INPP5D: variants seen among roughly 807,000 people sequenced by gnomAD.
The protein encoded by INPP5D is phosphatidylinositol 3,4,5-trisphosphate 5-phosphatase 1.
INPP5D carries 33 observed loss-of-function variants against 122.9 expected under a neutral mutation model. The ratio of observed to expected loss-of-function variants is 0.27; its 90% CI spans 0.20 to 0.36. The LOEUF (loss-of-function observed/expected upper bound fraction) is 0.36. Among genes scored for constraint, INPP5D ranks in the 10% least tolerant of loss-of-function variants. The pLI is 1.00. For missense variants in INPP5D, 1,053 were observed against 1,412.7 expected, an observed-to-expected ratio of 0.75 and a Z score of 4.08; for synonymous variants, 584 against 576.2, an observed-to-expected ratio of 1.01 and a Z score of -0.19.
At chr2:233,101,788 A>AT (rs1692322322) in intron 2 of INPP5D, among the ~76,000 whole-genome samples, 2 of 137,564 alleles carry the variant, frequency 1.5e-5, no homozygotes, top group African/African-American at 6.0e-5. Context: ...TAATTACATT[A>AT]TATTATATTA....
chr2:233,161,675 T>G, intron 10 of INPP5D, 49 bp from the exon 11 acceptor site: 1 of 1,566,760 alleles, frequency 6.4e-7, no homozygotes, highest in Non-Finnish European at 8.7e-7. Flanking sequence ...AAGTGTAATG[T>G]GCAGGGAGGC....
intron 5 of INPP5D, among the ~76,000 whole-genome samples, chr2:233,139,047 C>A (rs948743676): frequency 4.6e-5 from 7 of 152,126 alleles, no homozygotes; most frequent in Non-Finnish European, 1.0e-4. Context: ...AGCCACCGTG[C>A]CTGGCCCAGA....
rs1693293086 is a variant in INPP5D at position 233,130,583 on chromosome 2, G to T, written c.600G>T (p.Lys200Asn). The T allele has an allele frequency of 6.2e-7, 1 of 1,613,878 alleles. No homozygotes were observed. The highest frequency in any genetic ancestry group is 8.5e-7 in the Non-Finnish European group (1 of 1,179,892). Residue 200 changes from lysine to asparagine, a missense_variant, in exon 5 of 27, where the codon AAG becomes AAT. This residue lies in a region of INPP5D where 196 missense variants were observed against 175.6 expected (regional missense o/e 1.12). Transcript: ENST00000445964. ...TQLAQDSEFV[K>N]TGSSSLPHLK... ...TCGCCCAGGACTCTGAATTTGTGAAGACAGGGTCCAGCAGTCTTCCTCACC... is the reference window on the plus strand; with the variant it reads ...TCGCCCAGGACTCTGAATTTGTGAATACAGGGTCCAGCAGTCTTCCTCACC...
intron 2 of INPP5D, among the ~76,000 whole-genome samples, chr2:233,117,428 G>C (rs1386912212): frequency 1.3e-5 from 2 of 152,196 alleles, no homozygotes; most frequent in Non-Finnish European, 2.9e-5. Flanking sequence ...CATTGGGTTT[G>C]GCCAATGGGA....
At chr2:233,149,930 G>A (rs1693879841) in intron 9 of INPP5D, among the ~76,000 whole-genome samples, 1 of 152,102 alleles carries the variant, frequency 6.6e-6, no homozygotes, top group African/African-American at 2.4e-5. Flanking sequence ...ACCCTTCCAG[G>A]GTAGCCGTGA....
intron 5 of INPP5D, 24 bp downstream of exon 5, chr2:233,130,672 G>C: frequency 1.2e-6 from 2 of 1,613,214 alleles, no homozygotes; most frequent in Non-Finnish European, 1.7e-6. Flanking sequence ...CACGGGGGCG[G>C]GCAGGTGGGG....
At position 233,160,588 on chromosome 2, in the gene INPP5D, T is replaced by C. The variant is rs1198671621; in HGVS notation, c.1138-1136T>C. Among the ~76,000 whole-genome samples the C allele has an allele frequency of 6.6e-6, 1 of 152,184 alleles. No individual in the cohort carries two copies. The highest frequency in any genetic ancestry group is 1.5e-5 in the Non-Finnish European group (1 of 68,022). On this transcript the variant is annotated intron_variant, in intron 10 of 26. Coordinates refer to ENST00000445964, the MANE Select transcript of INPP5D (RefSeq NM_001017915.3). The surrounding 1 kb of genome is among the most constrained non-coding windows in gnomAD (Gnocchi z 4.2). ...TGGGACTATGCCCCTTCCAGATGTTTTTTAATTTTCTCTTTCTTTCTTCCT... is the reference window on the plus strand; with the variant it reads ...TGGGACTATGCCCCTTCCAGATGTTCTTTAATTTTCTCTTTCTTTCTTCCT...
intron 22 of INPP5D, among the ~76,000 whole-genome samples, chr2:233,192,516 A>G (rs1376343503): frequency 6.6e-6 from 1 of 152,136 alleles, no homozygotes. Flanking sequence ...CTCACCTGGT[A>G]TTAGATGAAA....
At position 233,097,549 on chromosome 2, in the gene INPP5D, T is replaced by G. The variant is rs111813525; in HGVS notation, c.198+18151T>G. ...ATAGTTCTTAAACCTGCTCTGTTACTGAGTGTGATGTAGCTTTAATTACCT... is the reference window on the plus strand; with the variant it reads ...ATAGTTCTTAAACCTGCTCTGTTACGGAGTGTGATGTAGCTTTAATTACCT... On this transcript the variant is annotated intron_variant, in intron 2 of 26. Transcript: ENST00000445964. 3.8e-3 allele frequency among the ~76,000 whole-genome samples: 581 copies of G among 152,352 alleles called. 2 individuals carry two copies. The highest frequency in any genetic ancestry group is 0.013 in the African/African-American group (544 of 41,588).
At chr2:233,094,799 G>A (rs1692090929) in intron 2 of INPP5D, among the ~76,000 whole-genome samples, 1 of 152,134 alleles carries the variant, frequency 6.6e-6, no homozygotes, top group Non-Finnish European at 1.5e-5. Context: ...TTGGGGGAAT[G>A]GCAGTCAGTC....
In INPP5D at chr2:233,113,906, C is replaced by CTTTT. The variant is rs778997649; in HGVS notation, c.199-8186_199-8183dup. 1.1e-3 allele frequency among the ~76,000 whole-genome samples: 137 copies of CTTTT among 127,716 alleles called. 7 individuals are homozygous for CTTTT. Among genetic ancestry groups the CTTTT allele is most frequent in the South Asian group, 4.4e-3 (18 of 4,072 alleles). The allele number at this position is 127,716 out of a possible 152,430, so 83.8% of individuals were successfully genotyped here. Reference sequence around the variant, plus strand: ...TTGCCTTTAGTGCCTCCAAACCACTCTTTTTTTTTTTTTTTTTTGAGACGG... The same window carrying CTTTT: ...TTGCCTTTAGTGCCTCCAAACCACTCTTTTTTTTTTTTTTTTTTTTTTGAGACGG... On this transcript the variant is annotated intron_variant, in intron 2 of 26. Coordinates refer to ENST00000445964, the MANE Select transcript of INPP5D (RefSeq NM_001017915.3).
chr2:233,096,117 T>C (rs533446208), intron 2 of INPP5D, among the ~76,000 whole-genome samples: 1 of 152,316 alleles, frequency 6.6e-6, no homozygotes, highest in African/African-American at 2.4e-5. Context: ...CTTGTGACTG[T>C]GCATACAAGC....
chr2:233,190,554 G>A (rs1326009290), intron 22 of INPP5D, among the ~76,000 whole-genome samples: 12 of 12,302 alleles, frequency 9.8e-4, no homozygotes, highest in Non-Finnish European at 1.3e-4. Context: ...GGGACTTGGG[G>A]TGCTGGAAAC....
chr2:233,091,784 C>T (rs550849334), intron 2 of INPP5D, among the ~76,000 whole-genome samples: 3 of 152,240 alleles, frequency 2.0e-5, no homozygotes, highest in East Asian at 1.9e-4. Context: ...TTTTTTCTAC[C>T]GCAGCAACTA....
At position 233,130,414 on chromosome 2, in the gene INPP5D, G is replaced by A. The variant is rs539763341; in HGVS notation, c.525-94G>A. On this transcript the variant is annotated intron_variant, in intron 4 of 26. Transcript: ENST00000445964. Reference sequence around the variant, plus strand: ...ACGGTGTCCCCTTGGAGGCTCTGAGGATGAGGATTTGTTATTGTGGTTGCT... The same window carrying A: ...ACGGTGTCCCCTTGGAGGCTCTGAGAATGAGGATTTGTTATTGTGGTTGCT... 1.3e-4 allele frequency: 173 copies of A among 1,373,316 alleles called. No homozygotes were observed. In the African/African-American group the frequency reaches 2.3e-3, roughly 18 times the overall value. 85.1% of individuals were successfully genotyped at this position (1,373,316 alleles called of 1,614,324 possible). A position where few individuals can be genotyped will look rare whatever the true frequency, so the allele number is the denominator to read the frequency against.
chr2:233,096,438 G>A (rs1692144723), intron 2 of INPP5D, among the ~76,000 whole-genome samples: 1 of 152,048 alleles, frequency 6.6e-6, no homozygotes, highest in South Asian at 2.1e-4. Flanking sequence ...GATCACCAGA[G>A]GTCAGAAGTT....
chr2:233,161,917 C>G, intron 11 of INPP5D, 91 bp downstream of exon 11: 1 of 1,497,388 alleles, frequency 6.7e-7, no homozygotes, highest in South Asian at 1.3e-5. Flanking sequence ...GTGACGACAT[C>G]CATGTCCCCT....
In INPP5D at chr2:233,149,777, C is replaced by T. The variant is rs549601033; in HGVS notation, c.1030+2183C>T. Reference sequence around the variant, plus strand: ...TGCCTTTTCTCTGGTCCTCAGTTTACTCTTCTGTCCAGCAGGGATAGTAGC... The same window carrying T: ...TGCCTTTTCTCTGGTCCTCAGTTTATTCTTCTGTCCAGCAGGGATAGTAGC... On this transcript the variant is annotated intron_variant, in intron 9 of 26. Transcript: ENST00000445964. 3.0e-4 allele frequency among the ~76,000 whole-genome samples: 46 copies of T among 152,230 alleles called. 1 individual carries two copies. The South Asian group carries it at 9.3e-3, about 31-fold the overall frequency.
chr2:233,204,775 C>CGTAAGTGT, intron 26 of INPP5D, 58 bp downstream of exon 26: 6 of 1,416,180 alleles, frequency 4.2e-6, no homozygotes, highest in African/African-American at 1.5e-5. Flanking sequence ...TGCGTGAGTG[C>CGTAAGTGT]GTATGTGTGT....
Sources: gnomAD v4.1 joint callset for allele counts (sites outside exome capture counted in the v4.1 genomes callset) on GRCh38, gnomAD v4.1.1 for gene constraint, gnomAD v4.1.1 regional missense constraint, Gnocchi (gnomAD v3.1) non-coding constraint, MANE v1.5 for transcripts, NCBI Gene and HGNC (gene_info 2026-07-23, HGNC 2026-07-21) for gene names.